DUSP3: variants seen among roughly 807,000 people sequenced by gnomAD.
DUSP3 encodes dual specificity phosphatase 3, also known as dual specificity protein phosphatase 3.
A neutral mutation model predicts 15.5 loss-of-function variants in DUSP3; 7 were observed. That is an observed-to-expected ratio of 0.45 (90% CI 0.26 to 0.85). The LOEUF (loss-of-function observed/expected upper bound fraction) is 0.85. DUSP3 is among the 40% of genes least tolerant of loss of function. The pLI, the probability that DUSP3 is intolerant of heterozygous loss-of-function variation, is 0.18. For synonymous variants in DUSP3, 86 were observed against 104.2 expected (o/e 0.83, Z 1.07); for missense variants, 209 against 251.7 (o/e 0.83, Z 1.15).
At chr17:43,770,608 G>A (rs982010153) in intron 2 of DUSP3, among the ~76,000 whole-genome samples, 2 of 151,740 alleles carry the variant, frequency 1.3e-5, no homozygotes, top group African/African-American at 4.8e-5. Flanking sequence ...GGTGAGGTGA[G>A]ATTGTGCTGA....
Position 43,766,345 on chromosome 17 carries a change from C to T in DUSP3, c.*3264G>A, listed in dbSNP as rs1245920525. 3.9e-5 allele frequency: 6 copies of T among 152,166 alleles called. No individual in the cohort carries two copies. The highest frequency in any genetic ancestry group is 6.6e-5 in the Admixed American group (1 of 15,264). The allele number at this position is 152,166 out of a possible 1,614,324, so 9.4% of individuals were successfully genotyped here. On this transcript the variant is annotated 3_prime_UTR_variant, in exon 3 of 3. Transcript: ENST00000226004. ...CTTCCAACGAATCTGTTCTCTCAACCGGAAATGTCTTCTATTTCCAATCAG... is the reference window on the plus strand; with the variant it reads ...CTTCCAACGAATCTGTTCTCTCAACTGGAAATGTCTTCTATTTCCAATCAG...
At chr17:43,771,064 A>G (rs909681602) in intron 2 of DUSP3, among the ~76,000 whole-genome samples, 2 of 150,310 alleles carry the variant, frequency 1.3e-5, no homozygotes, top group Non-Finnish European at 3.0e-5. Context: ...ACCATCTCTC[A>G]ATATCCACAG....
chr17:43,770,396 G>A (rs1372931707), intron 2 of DUSP3, among the ~76,000 whole-genome samples: 3 of 152,184 alleles, frequency 2.0e-5, no homozygotes, highest in Non-Finnish European at 2.9e-5. Flanking sequence ...AGTGGCTCAC[G>A]CCTGTAATCC....
rs936637821 is a variant in DUSP3, at chr17:43,767,322, G to T, written c.*2287C>A. On this transcript the variant is annotated 3_prime_UTR_variant, in exon 3 of 3. Transcript: ENST00000226004. Reference sequence around the variant, plus strand: ...GGAGCAGAGCAGAAAGCTCTACTTCGGGGTGCTACATCCCACCTGGAGAAA... The same window carrying T: ...GGAGCAGAGCAGAAAGCTCTACTTCTGGGTGCTACATCCCACCTGGAGAAA... 1.3e-5 allele frequency: 2 copies of T among 152,570 alleles called. No individual in the cohort carries two copies. Among genetic ancestry groups the T allele is most frequent in the African/African-American group, 4.8e-5 (2 of 41,452 alleles). 9.5% of individuals were successfully genotyped at this position (152,570 alleles called of 1,614,324 possible). A position where few individuals can be genotyped will look rare whatever the true frequency, so the allele number is the denominator to read the frequency against.
At position 43,778,934 on chromosome 17, in the gene DUSP3, G is replaced by C; in HGVS notation, c.-10C>G. ...CGAACGAGCCCGACATGGCGGCGGC[G>C]GGGCCCTGCACGCCCGGCAGGAGCA... On this transcript the variant is annotated 5_prime_UTR_variant, in exon 1 of 3. Coordinates refer to ENST00000226004, the MANE Select transcript of DUSP3 (RefSeq NM_004090.4). 8 of 1,450,542 alleles carry C rather than the reference G, an allele frequency of 5.5e-6. No individual in the cohort carries two copies. Among genetic ancestry groups the C allele is most frequent in the Non-Finnish European group, 7.3e-6 (8 of 1,097,542 alleles). The allele number at this position is 1,450,542 out of a possible 1,614,324, so 89.9% of individuals were successfully genotyped here.
chr17:43,775,942 C>T (rs757241638), intron 1 of DUSP3, among the ~76,000 whole-genome samples: 5 of 152,078 alleles, frequency 3.3e-5, no homozygotes, highest in Non-Finnish European at 5.9e-5. Context: ...GAAACCCCGT[C>T]TCTACTAAAA....
At chr17:43,771,362 A>T (rs1974317661) in intron 2 of DUSP3, among the ~76,000 whole-genome samples, 1 of 152,146 alleles carries the variant, frequency 6.6e-6, no homozygotes, top group Non-Finnish European at 1.5e-5. Flanking sequence ...TTGAATCCAC[A>T]GATGTGGAAC....
Position 43,768,594 on chromosome 17 carries a change from G to A in DUSP3, c.*1015C>T, listed in dbSNP as rs531881832. Reference sequence around the variant, plus strand: ...CTGCTTGTCTTCTGGCCGCGTTTCTGAGAGGCACGCCCCCCACACACATCC... The same window carrying A: ...CTGCTTGTCTTCTGGCCGCGTTTCTAAGAGGCACGCCCCCCACACACATCC... On this transcript the variant is annotated 3_prime_UTR_variant, in exon 3 of 3. Transcript: ENST00000226004. 2 of 152,258 alleles carry A rather than the reference G, an allele frequency of 1.3e-5. No homozygotes were observed. The highest frequency in any genetic ancestry group is 4.8e-5 in the African/African-American group (2 of 41,532). The allele number at this position is 152,258 out of a possible 1,614,324, so 9.4% of individuals were successfully genotyped here. A position where few individuals can be genotyped will look rare whatever the true frequency, so the allele number is the denominator to read the frequency against.
chr17:43,777,614 G>GT, intron 1 of DUSP3: 1 of 452,990 alleles, frequency 2.2e-6, no homozygotes, highest in Non-Finnish European at 4.4e-6. Flanking sequence ...AGGAGGGTTA[G>GT]TTTTGAGTTT....
chr17:43,776,242 TG>T (rs1275754802), intron 1 of DUSP3, among the ~76,000 whole-genome samples: 2 of 152,240 alleles, frequency 1.3e-5, no homozygotes, highest in African/African-American at 4.8e-5. Flanking sequence ...TGCCACCTCC[TG>T]TGTGATCTTG....
Position 43,769,412 on chromosome 17 carries a change from C to A in DUSP3, c.*197G>T. On this transcript the variant is annotated 3_prime_UTR_variant, in exon 3 of 3. Transcript: ENST00000226004. ...AAACAGGACAACTGGGGAGCAAGGA[C>A]GCCCCCCTTGGCAAGCTTCTTTATG... 1.7e-6 allele frequency: 1 copy of A among 583,160 alleles called. No individual in the cohort carries two copies. The highest frequency in any genetic ancestry group is 2.9e-6 in the Non-Finnish European group (1 of 339,356). The allele number at this position is 583,160 out of a possible 1,614,324, so 36.1% of individuals were successfully genotyped here. A position where few individuals can be genotyped will look rare whatever the true frequency, so the allele number is the denominator to read the frequency against.
chr17:43,768,874 A>C lies in DUSP3; in HGVS notation c.*735T>G, dbSNP rs1974274831. ...AAGTGACTGAGATAAGATCGAAGGGAAATATTCCAGAGCAGCAGATTCTGA... is the reference window on the plus strand; with the variant it reads ...AAGTGACTGAGATAAGATCGAAGGGCAATATTCCAGAGCAGCAGATTCTGA... On this transcript the variant is annotated 3_prime_UTR_variant, in exon 3 of 3. Transcript: ENST00000226004. 1.3e-5 allele frequency: 2 copies of C among 152,154 alleles called. No homozygotes were observed. The highest frequency in any genetic ancestry group is 4.8e-5 in the African/African-American group (2 of 41,440). 9.4% of individuals were successfully genotyped at this position (152,154 alleles called of 1,614,324 possible).
chr17:43,771,799 A>C (rs983558696), intron 2 of DUSP3, among the ~76,000 whole-genome samples: 1 of 152,194 alleles, frequency 6.6e-6, no homozygotes, highest in Non-Finnish European at 1.5e-5. Flanking sequence ...CCCTGAAGTC[A>C]GGAGTTCGAG....
chr17:43,777,423 G>A, intron 1 of DUSP3: 1 of 445,688 alleles, frequency 2.2e-6, no homozygotes, highest in Non-Finnish European at 4.5e-6. Context: ...GTCCCCATGA[G>A]GCTGGGGCCT....
chr17:43,776,644 C>T (rs1974391207), intron 1 of DUSP3, among the ~76,000 whole-genome samples: 2 of 152,220 alleles, frequency 1.3e-5, no homozygotes, highest in African/African-American at 4.8e-5. Flanking sequence ...GTCAGAGGTG[C>T]TTAGAGGGCA....
chr17:43,769,735 C>T lies in DUSP3; in HGVS notation c.432G>A (p.Lys144=). 1 of 1,614,102 alleles carries T rather than the reference C, an allele frequency of 6.2e-7. No individual in the cohort carries two copies. The highest frequency in any genetic ancestry group is 8.5e-7 in the Non-Finnish European group (1 of 1,180,004). The change falls in exon 3 of 3, where the codon AAG becomes AAA. Residue 144 remains lysine (K), a synonymous_variant. Coordinates refer to ENST00000226004, the MANE Select transcript of DUSP3 (RefSeq NM_004090.4). ...LVIAYLMMRQ[K]MDVKSALSIV... ...TGCTCAGGGCAGACTTGACGTCCAT[C>T]TTCTGCCGCATCATGAGGTAGGCGA...
chr17:43,777,845 A>C, intron 1 of DUSP3: 1 of 202,928 alleles, frequency 4.9e-6, no homozygotes, highest in Non-Finnish European at 1.0e-5. Flanking sequence ...TAAATTAAAA[A>C]AAATCTCTTA....
chr17:43,769,188 T>A lies in DUSP3; in HGVS notation c.*421A>T. 1 of 193,996 alleles carries A rather than the reference T, an allele frequency of 5.2e-6. No homozygotes were observed. Among genetic ancestry groups the A allele is most frequent in the Non-Finnish European group, 1.0e-5 (1 of 95,764 alleles). The allele number at this position is 193,996 out of a possible 1,614,324, so 12.0% of individuals were successfully genotyped here. On this transcript the variant is annotated 3_prime_UTR_variant, in exon 3 of 3. Coordinates refer to ENST00000226004, the MANE Select transcript of DUSP3 (RefSeq NM_004090.4). ...GTGGCCTGCATTTGCATAGTTCCTTTACTAGGGCTCAAGGTGTTGAGGTCC... is the reference window on the plus strand; with the variant it reads ...GTGGCCTGCATTTGCATAGTTCCTTAACTAGGGCTCAAGGTGTTGAGGTCC...
In DUSP3 at chr17:43,770,312, G is replaced by A. The variant is rs369417963; in HGVS notation, c.353-498C>T. ...ACACGGAGGCAGCACACACATATGA[G>A]GTGGATGAGCCCACAGAGTAGGAAA... On this transcript the variant is annotated intron_variant, in intron 2 of 2. Coordinates refer to ENST00000226004, the MANE Select transcript of DUSP3 (RefSeq NM_004090.4). 5.3e-5 allele frequency among the ~76,000 whole-genome samples: 8 copies of A among 152,322 alleles called. No homozygotes were observed. The South Asian group carries it at 1.5e-3, about 28-fold the overall frequency.
Sources: gnomAD v4.1 joint callset for allele counts (sites outside exome capture counted in the v4.1 genomes callset) on GRCh38, gnomAD v4.1.1 for gene constraint, MANE v1.5 for transcripts, NCBI Gene and HGNC (gene_info 2026-07-23, HGNC 2026-07-21) for gene names.